HDAC4: variants seen among roughly 807,000 people sequenced by gnomAD.
HDAC4 encodes histone deacetylase 4.
A neutral mutation model predicts 135.1 loss-of-function variants in HDAC4; 16 were observed. That is an observed-to-expected ratio of 0.12 (90% CI 0.08 to 0.18). HDAC4 has a LOEUF of 0.18. Among genes scored for constraint, HDAC4 ranks in the 10% least tolerant of loss-of-function variants. The pLI is 1.00. For synonymous variants in HDAC4, 685 were observed against 653.4 expected, an observed-to-expected ratio of 1.05 and a Z score of -0.74; for missense variants, 1,143 against 1,511.8, an observed-to-expected ratio of 0.76 and a Z score of 4.05.
At chr2:239,195,536 C>T (rs1251066974) in intron 3 of HDAC4, among the ~76,000 whole-genome samples, 5 of 152,194 alleles carry the variant, frequency 3.3e-5, no homozygotes, top group Non-Finnish European at 7.3e-5. Context: ...CGCATTCGTG[C>T]GCCTACGGCT....
chr2:239,082,183 G>A lies in HDAC4; in HGVS notation c.2571C>T (p.Tyr857=). ...ACATGTACAGGACGCTGGGGTCGCT[G>A]TAGAAAGCCTGCTGGGTCCCGTTTC... is the stretch of plus-strand genomic sequence containing the variant. ...HHGNGTQQAF[Y]SDPSVLYMSL... is the part of the protein sequence containing the mutation. The change falls in exon 21 of 27, where the codon TAC becomes TAT. Residue 857 remains tyrosine (Y), a synonymous_variant. Transcript: ENST00000543185. 6.2e-7 allele frequency: 1 copy of A among 1,614,214 alleles called. No homozygotes were observed. The highest frequency in any genetic ancestry group is 1.7e-5 in the Admixed American group (1 of 60,032).
intron 1 of HDAC4, among the ~76,000 whole-genome samples, chr2:239,391,624 C>T (rs552660078): frequency 2.6e-5 from 4 of 152,322 alleles, no homozygotes; most frequent in Admixed American, 2.0e-4. Flanking sequence ...GGGGTCATGA[C>T]AGTGAAGCTG....
At chr2:239,193,401 T>C (rs1186877972) in intron 3 of HDAC4, among the ~76,000 whole-genome samples, 1 of 152,238 alleles carries the variant, frequency 6.6e-6, no homozygotes, top group East Asian at 1.9e-4. Flanking sequence ...CTCATTCAGT[T>C]CCCAAAGAAC....
At chr2:239,218,931 C>A (rs1453935500) in intron 3 of HDAC4, among the ~76,000 whole-genome samples, 8 of 149,510 alleles carry the variant, frequency 5.4e-5, no homozygotes, top group South Asian at 2.2e-4. Context: ...ACCATCTCAC[C>A]CCAGTTAGAA....
rs555696740 is a variant in HDAC4 at position 239,262,724 on chromosome 2, C to A, written c.23-26060G>T. Among the ~76,000 whole-genome samples, 1 of 152,206 alleles carries A rather than the reference C, an allele frequency of 6.6e-6. No homozygotes were observed. The highest frequency in any genetic ancestry group is 2.4e-5 in the African/African-American group (1 of 41,464). On this transcript the variant is annotated intron_variant, in intron 2 of 26. Transcript: ENST00000543185. The surrounding 1 kb of genome is among the most constrained non-coding windows in gnomAD (Gnocchi z 4.1). Reference sequence around the variant, plus strand: ...AGGGTGCACACGGCTGAAGGCGCAACGGGCACAGGGCATTCTGTGGGCCAC... The same window carrying A: ...AGGGTGCACACGGCTGAAGGCGCAAAGGGCACAGGGCATTCTGTGGGCCAC...
chr2:239,228,749 G>A (rs2047382107), intron 3 of HDAC4, among the ~76,000 whole-genome samples: 1 of 152,100 alleles, frequency 6.6e-6, no homozygotes. Flanking sequence ...GCCATCGAAG[G>A]GGAATTGGAA....
At position 239,095,135 on chromosome 2, in the gene HDAC4, G is replaced by A. The variant is rs981171582; in HGVS notation, c.2234-79C>T. ...TCGACAGGCCCTGGGCGCACTCCGG[G>A]GTCTTCAGTGGCACTTGGGCATTTG... On this transcript the variant is annotated intron_variant, in intron 16 of 26. Transcript: ENST00000543185. 7 of 1,462,182 alleles carry A rather than the reference G, an allele frequency of 4.8e-6. No homozygotes were observed. In the Admixed American group the frequency reaches 1.2e-4, roughly 25 times the overall value. 90.6% of individuals were successfully genotyped at this position (1,462,182 alleles called of 1,614,324 possible).
chr2:239,273,547 A>C (rs547543458), intron 2 of HDAC4, among the ~76,000 whole-genome samples: 1 of 152,170 alleles, frequency 6.6e-6, no homozygotes, highest in Non-Finnish European at 1.5e-5. Flanking sequence ...GGAAGGAAGG[A>C]ATGAAGCTAG....
intron 12 of HDAC4, among the ~76,000 whole-genome samples, chr2:239,122,210 G>A (rs1453002564): frequency 2.0e-5 from 3 of 152,144 alleles, no homozygotes; most frequent in South Asian, 4.1e-4. Flanking sequence ...AAACACACCC[G>A]AGGCCCTCCG....
chr2:239,353,498 G>A (rs1693297698), intron 1 of HDAC4, among the ~76,000 whole-genome samples: 1 of 152,160 alleles, frequency 6.6e-6, no homozygotes, highest in African/African-American at 2.4e-5. Context: ...AGGTGTTGGG[G>A]TGTAGGGCTG....
chr2:239,349,808 C>T lies in HDAC4; in HGVS notation c.22+2870G>A, dbSNP rs1675252864. ...CAGCAGACTTCAGGCCCCAGGCAAA[C>T]CACCTCAGCTGTACCCCCTGCACAG... On this transcript the variant is annotated intron_variant, in intron 2 of 26. Coordinates refer to ENST00000543185, the MANE Select transcript of HDAC4 (RefSeq NM_001378414.1). The surrounding 1 kb of genome is among the most constrained non-coding windows in gnomAD (Gnocchi z 5.7). Among the ~76,000 whole-genome samples, 1 of 152,240 alleles carries T rather than the reference C, an allele frequency of 6.6e-6. No homozygotes were observed.
intron 3 of HDAC4, among the ~76,000 whole-genome samples, chr2:239,207,646 GA>G (rs1230115276): frequency 1.4e-4 from 22 of 152,234 alleles, no homozygotes; most frequent in African/African-American, 4.8e-4. Context: ...CACATTTCTA[GA>G]AAAACATTCC....
intron 1 of HDAC4, among the ~76,000 whole-genome samples, chr2:239,389,882 G>T (rs112031209): frequency 6.6e-6 from 1 of 152,184 alleles, no homozygotes; most frequent in Non-Finnish European, 1.5e-5. Context: ...TCTGCACCCC[G>T]GTCACAGTGA....
intron 2 of HDAC4, among the ~76,000 whole-genome samples, chr2:239,304,507 G>C (rs567290831): frequency 6.6e-6 from 1 of 152,182 alleles, no homozygotes; most frequent in Admixed American, 6.5e-5. Context: ...GACATGAAAC[G>C]TCCTGAAAGC....
At position 239,052,848 on chromosome 2, in the gene HDAC4, C is replaced by T. The variant is rs577063060; in HGVS notation, c.*249G>A. Reference sequence around the variant, plus strand: ...AGAGTGTGCTTGGCTTCCGCGTGTCCGTGTGTCTGCGCGTCGCCGGCGTCT... The same window carrying T: ...AGAGTGTGCTTGGCTTCCGCGTGTCTGTGTGTCTGCGCGTCGCCGGCGTCT... On this transcript the variant is annotated 3_prime_UTR_variant, in exon 27 of 27. Transcript: ENST00000543185. The T allele has an allele frequency of 2.1e-4, 116 of 559,846 alleles. No individual in the cohort carries two copies. The highest frequency in any genetic ancestry group is 1.7e-3 in the African/African-American group (88 of 53,208). 34.7% of individuals were successfully genotyped at this position (559,846 alleles called of 1,614,324 possible). A position where few individuals can be genotyped will look rare whatever the true frequency, so the allele number is the denominator to read the frequency against.
rs538421962 is a variant in HDAC4 at position 239,137,553 on chromosome 2, G to A, written c.978+2131C>T. Among the ~76,000 whole-genome samples, 48 of 152,268 alleles carry A rather than the reference G, an allele frequency of 3.2e-4. 1 individual carries two copies. In the South Asian group the frequency reaches 9.1e-3, roughly 29 times the overall value. On this transcript the variant is annotated intron_variant, in intron 9 of 26. Coordinates refer to ENST00000543185, the MANE Select transcript of HDAC4 (RefSeq NM_001378414.1). ...TCCCTGGGTCCAGGGGGCCTTCAAG[G>A]TACAGTAGTGTTTCTAGGGACCCCA...
At chr2:239,346,557 A>T (rs1300521795) in intron 2 of HDAC4, among the ~76,000 whole-genome samples, 1 of 56,790 alleles carries the variant, frequency 1.8e-5, no homozygotes, top group Non-Finnish European at 4.4e-5. Flanking sequence ...ACACACCTTC[A>T]CACACACACA....
chr2:239,270,113 G>A (rs2049977137), intron 2 of HDAC4, among the ~76,000 whole-genome samples: 1 of 152,196 alleles, frequency 6.6e-6, no homozygotes, highest in South Asian at 2.1e-4. Flanking sequence ...CAGCCTTTCA[G>A]GAGCCTGATG....
chr2:239,355,316 T>C (rs1693421913), intron 1 of HDAC4, among the ~76,000 whole-genome samples: 1 of 152,242 alleles, frequency 6.6e-6, no homozygotes, highest in Non-Finnish European at 1.5e-5. Context: ...AGATCTGGCC[T>C]CTTTCACCGG....
Sources: gnomAD v4.1 joint callset for allele counts (sites outside exome capture counted in the v4.1 genomes callset) on GRCh38, gnomAD v4.1.1 for gene constraint, Gnocchi (gnomAD v3.1) non-coding constraint, MANE v1.5 for transcripts, NCBI Gene and HGNC (gene_info 2026-07-23, HGNC 2026-07-21) for gene names.